The following CREB3L1 variants were observed in gnomAD, a reference collection of about 807,000 sequenced individuals.
CREB3L1 encodes the protein cAMP responsive element binding protein 3 like 1.
Under a neutral mutation model 54.5 loss-of-function variants are expected in CREB3L1, and 33 were observed. That is an observed-to-expected ratio of 0.61 (90% CI 0.46 to 0.81). The LOEUF is 0.81. Among genes scored for constraint, CREB3L1 ranks in the 30% least tolerant of loss-of-function variants. The pLI, the probability that CREB3L1 is intolerant of heterozygous loss-of-function variation, is 0.00. For synonymous variants in CREB3L1, 284 were observed against 286.4 expected (o/e 0.99, Z 0.08); for missense variants, 656 against 673.3 (o/e 0.97, Z 0.29).
chr11:46,307,464 A>C (rs997300249), intron 2 of CREB3L1, among the ~76,000 whole-genome samples: 8 of 152,192 alleles, frequency 5.3e-5, no homozygotes, highest in Admixed American at 4.6e-4. Flanking sequence ...TATACTACTT[A>C]AGCCTCAGAA....
intron 10 of CREB3L1, 68 bp downstream of exon 10, chr11:46,317,555 C>T: frequency 1.3e-6 from 2 of 1,579,416 alleles, no homozygotes; most frequent in South Asian, 1.1e-5. Flanking sequence ...AGTGTCCAGG[C>T]AGAAGCCAGA....
At chr11:46,280,197 G>GT (rs200037362) in intron 1 of CREB3L1, among the ~76,000 whole-genome samples, 15,350 of 145,220 alleles carry the variant, frequency 0.11, 975 homozygotes, top group African/African-American at 0.14. Flanking sequence ...TTTGTTTTTT[G>GT]TTTTTTTTCA....
intron 2 of CREB3L1, among the ~76,000 whole-genome samples, chr11:46,302,427 C>T (rs1939317045): frequency 6.6e-6 from 1 of 152,086 alleles, no homozygotes; most frequent in Admixed American, 6.6e-5. Context: ...CACATTGTGC[C>T]CCACTTAGAA....
Position 46,312,380 on chromosome 11 carries a change from T to C in CREB3L1, c.809T>C (p.Leu270Pro). The C allele has an allele frequency of 6.2e-7, 1 of 1,613,522 alleles. No individual in the cohort carries two copies. Among genetic ancestry groups the C allele is most frequent in the Non-Finnish European group, 8.5e-7 (1 of 1,179,718 alleles). The change falls in exon 6 of 12, where the codon CTG becomes CCG. Residue 270 changes from leucine (L) to proline (P), a missense_variant. Transcript: ENST00000621158. ...CTGACAGAGGAGGAGAAGCGGACCC[T>C]GATTGCTGAGGGCTACCCCATCCCC... is the stretch of plus-strand genomic sequence containing the variant. ...LLLTEEEKRT[L>P]IAEGYPIPTK...
Position 46,316,344 on chromosome 11 carries a change from C to A in CREB3L1, c.1090C>A (p.Pro364Thr). ...QTLVTNKISR[P>T]YKMAATQTGT... The stretch of plus-strand genomic sequence containing the variant: ...TCTGGTCACCAACAAGATCTCCAGA[C>A]CTTACAAGATGGCCGCCACCCAGAC... Residue 364 changes from proline to threonine, a missense_variant, in exon 9 of 12, where the codon CCT (proline) becomes ACT (threonine). Physicochemically the swap from Pro to Thr is conservative, Grantham distance 38 (BLOSUM62 -1). Coordinates refer to ENST00000621158, the MANE Select transcript of CREB3L1 (RefSeq NM_052854.4). The A allele has an allele frequency of 1.3e-6, 2 of 1,575,496 alleles. No homozygotes were observed. Among genetic ancestry groups the A allele is most frequent in the Non-Finnish European group, 1.7e-6 (2 of 1,160,820 alleles).
At position 46,295,663 on chromosome 11, in the gene CREB3L1, C is replaced by T. The variant is rs948213940; in HGVS notation, c.103-4272C>T. Among the ~76,000 whole-genome samples the T allele has an allele frequency of 2.0e-5, 3 of 152,248 alleles. No homozygotes were observed. The highest frequency in any genetic ancestry group is 7.2e-5 in the African/African-American group (3 of 41,478). ...GCCACCGGCTGCTGCTCGCAGCCTC[C>T]CGCCATTGGCCAGGAGCTCTGCGGC... On this transcript the variant is annotated intron_variant, in intron 1 of 11. Coordinates refer to ENST00000621158, the MANE Select transcript of CREB3L1 (RefSeq NM_052854.4). This position sits in a 1 kb window ranked among gnomAD's most constrained non-coding sequence, Gnocchi z 4.6.
intron 2 of CREB3L1, among the ~76,000 whole-genome samples, chr11:46,304,984 G>A (rs939252531): frequency 1.3e-5 from 2 of 152,154 alleles, no homozygotes; most frequent in Admixed American, 1.3e-4. Context: ...GCAGCCTGTG[G>A]CCCAGAGCTG....
At chr11:46,308,033 G>T in intron 3 of CREB3L1, 33 bp downstream of exon 3, 2 of 1,471,452 alleles carry the variant, frequency 1.4e-6, no homozygotes, top group Non-Finnish European at 1.8e-6. Context: ...GCGGCTGAGG[G>T]AGGGAGGAGG....
intron 8 of CREB3L1, among the ~76,000 whole-genome samples, chr11:46,313,970 C>T (rs1278160347): frequency 1.3e-5 from 2 of 152,078 alleles, no homozygotes; most frequent in East Asian, 3.9e-4. Context: ...GGCACAGTGG[C>T]TTACGCCTGT....
chr11:46,283,747 G>A (rs1939013466), intron 1 of CREB3L1, among the ~76,000 whole-genome samples: 1 of 152,064 alleles, frequency 6.6e-6, no homozygotes, highest in African/African-American at 2.4e-5. Flanking sequence ...TCCAGGCATG[G>A]TGGCACATAC....
chr11:46,289,841 C>G (rs1939106547), intron 1 of CREB3L1, among the ~76,000 whole-genome samples: 2 of 152,126 alleles, frequency 1.3e-5, no homozygotes, highest in African/African-American at 4.8e-5. Context: ...TTTCAGCAGG[C>G]AGGAGGGAGC....
intron 2 of CREB3L1, 70 bp from the exon 3 acceptor site, chr11:46,307,746 G>A: frequency 7.4e-7 from 1 of 1,345,044 alleles, no homozygotes; most frequent in Non-Finnish European, 1.0e-6. Flanking sequence ...GCCTAGGGTA[G>A]CTCCCAGGGG....
intron 4 of CREB3L1, 185 bp from the exon 5 acceptor site, chr11:46,310,847 C>A: frequency 1.2e-6 from 1 of 827,726 alleles, no homozygotes. Context: ...GAATTGGCTA[C>A]CCAGATGTCA....
chr11:46,310,940 G>T (rs960519202), intron 4 of CREB3L1, 92 bp from the exon 5 acceptor site: 11 of 1,456,940 alleles, frequency 7.6e-6, no homozygotes, highest in Non-Finnish European at 9.1e-6. Flanking sequence ...ACAATGTCAG[G>T]GCTGGTGCAA....
intron 1 of CREB3L1, among the ~76,000 whole-genome samples, chr11:46,285,621 T>C (rs770898899): frequency 1.3e-5 from 2 of 152,148 alleles, no homozygotes; most frequent in Non-Finnish European, 2.9e-5. Flanking sequence ...GGAGCAACCA[T>C]GGGCTTCCCT....
intron 1 of CREB3L1, among the ~76,000 whole-genome samples, chr11:46,289,854 A>G (rs1013610575): frequency 3.3e-5 from 5 of 152,136 alleles, no homozygotes; most frequent in Admixed American, 2.0e-4. Flanking sequence ...GAGGGAGCCA[A>G]CGATAGTTCT....
At chr11:46,280,344 C>T (rs1391884147) in intron 1 of CREB3L1, among the ~76,000 whole-genome samples, 1 of 151,926 alleles carries the variant, frequency 6.6e-6, no homozygotes, top group Non-Finnish European at 1.5e-5. Flanking sequence ...CCCGCCACCA[C>T]GCCCGGCTAA....
chr11:46,290,443 C>T (rs1423277866), intron 1 of CREB3L1, among the ~76,000 whole-genome samples: 1 of 152,176 alleles, frequency 6.6e-6, no homozygotes, highest in African/African-American at 2.4e-5. Flanking sequence ...CAGAGCCCCA[C>T]TCACCATCCT....
rs566618729 is a variant in CREB3L1, at chr11:46,281,726, C to T, written c.102+3513C>T. Among the ~76,000 whole-genome samples, 84 of 152,280 alleles carry T rather than the reference C, an allele frequency of 5.5e-4. 1 individual carries two copies. In the South Asian group the frequency reaches 0.011, roughly 20 times the overall value. On this transcript the variant is annotated intron_variant, in intron 1 of 11. Coordinates refer to ENST00000621158, the MANE Select transcript of CREB3L1 (RefSeq NM_052854.4). ...GAGAGGCACCCCCACCCCCAGCCTT[C>T]GGGAGATTTAGGGAGATTAGAGAAG...
Sources: allele counts gnomAD v4.1 joint callset (sites outside exome capture counted in the v4.1 genomes callset), GRCh38; gene constraint gnomAD v4.1.1; non-coding constraint Gnocchi (gnomAD v3.1); transcripts MANE v1.5; gene names NCBI Gene and HGNC (gene_info 2026-07-23, HGNC 2026-07-21).